Variants in EDN1 observed in about 807,000 individuals in gnomAD.
EDN1 encodes the protein endothelin 1, also known as endothelin-1.
EDN1 carries 11 observed loss-of-function variants against 21.7 expected under a neutral mutation model. That is an observed-to-expected ratio of 0.51 (90% CI 0.32 to 0.84). EDN1 has a LOEUF of 0.84. EDN1 is among the 40% of genes least tolerant of loss of function. EDN1 has a pLI of 0.03. For missense variants in EDN1, 244 were observed against 262.3 expected (o/e 0.93, Z 0.48); for synonymous variants, 85 against 90.6 (o/e 0.94, Z 0.35).
the EDN1 span, among the ~76,000 whole-genome samples, chr6:12,272,491 CTT>C: frequency 2.6e-5 from 3 of 116,372 alleles, no homozygotes; most frequent in East Asian, 7.5e-4. Context: ...GAGTTTCTCT[CTT>C]GTCGCCCAGG....
intron 2 of EDN1, 126 bp downstream of exon 2, chr6:12,292,635 G>A (rs1762714368): frequency 1.8e-5 from 20 of 1,117,188 alleles, no homozygotes; most frequent in Non-Finnish European, 2.7e-5. Context: ...AAGTGCCTCA[G>A]TGGGGACAGT....
Position 12,290,698 on chromosome 6 carries a change from G to A in EDN1, c.64+5G>A. On this transcript the variant is annotated splice_donor_5th_base_variant and intron_variant, in intron 1 of 4. Coordinates refer to ENST00000379375, the MANE Select transcript of EDN1 (RefSeq NM_001955.5). ...GCCAAGGAGCTCCAGAAACAGGTAG[G>A]CACGCTCGTTGACTTGTAAGTCTCG... 1.9e-6 allele frequency: 3 copies of A among 1,612,780 alleles called. No individual in the cohort carries two copies. Among genetic ancestry groups the A allele is most frequent in the Non-Finnish European group, 2.5e-6 (3 of 1,178,784 alleles).
the EDN1 span, among the ~76,000 whole-genome samples, chr6:12,274,328 C>A: frequency 6.6e-6 from 1 of 152,068 alleles, no homozygotes; most frequent in Non-Finnish European, 1.5e-5. Flanking sequence ...GCAGAGAGTG[C>A]AATAGACAGA....
the EDN1 span, among the ~76,000 whole-genome samples, chr6:12,271,711 C>A: frequency 6.6e-6 from 1 of 152,212 alleles, no homozygotes; most frequent in East Asian, 1.9e-4. Flanking sequence ...TGTCCTTTTG[C>A]TTCCAATTGG....
At chr6:12,250,689 T>A in the EDN1 span, among the ~76,000 whole-genome samples, 2 of 152,010 alleles carry the variant, frequency 1.3e-5, no homozygotes, top group African/African-American at 4.8e-5. Flanking sequence ...GCACATTAAC[T>A]CTCCTTGTCT....
chr6:12,248,135 G>T, the EDN1 span, among the ~76,000 whole-genome samples: 1 of 152,038 alleles, frequency 6.6e-6, no homozygotes, highest in Non-Finnish European at 1.5e-5. Flanking sequence ...GAAACAACAA[G>T]ATCGAGGGAA....
the EDN1 span, among the ~76,000 whole-genome samples, chr6:12,232,995 A>T: frequency 2.0e-5 from 3 of 152,238 alleles, no homozygotes; most frequent in African/African-American, 4.8e-5. Context: ...GCCTTTAGAA[A>T]GCTGTTATCA....
At chr6:12,261,742 G>A in the EDN1 span, among the ~76,000 whole-genome samples, 224 of 152,276 alleles carry the variant, frequency 1.5e-3, 1 homozygote, top group South Asian at 0.012. Flanking sequence ...ATGAGGCGGC[G>A]GCGCATGTAT....
At chr6:12,259,341 A>G in the EDN1 span, among the ~76,000 whole-genome samples, 1 of 151,546 alleles carries the variant, frequency 6.6e-6, no homozygotes, top group Non-Finnish European at 1.5e-5. Flanking sequence ...CTAAAATGTT[A>G]GCAGCATAGA....
At chr6:12,246,649 G>GT in the EDN1 span, among the ~76,000 whole-genome samples, 2 of 47,634 alleles carry the variant, frequency 4.2e-5, 1 homozygote, top group Admixed American at 3.8e-4. Flanking sequence ...ATAATCGTTT[G>GT]CCTTTTTTTT....
the EDN1 span, among the ~76,000 whole-genome samples, chr6:12,239,100 G>A: frequency 6.6e-6 from 1 of 152,158 alleles, no homozygotes; most frequent in Non-Finnish European, 1.5e-5. Context: ...ATTACAAGTT[G>A]ACTGAAGAAC....
chr6:12,289,923 TA>T (rs1186919080), upstream of EDN1, among the ~76,000 whole-genome samples: 3 of 152,192 alleles, frequency 2.0e-5, no homozygotes, highest in East Asian at 1.9e-4. Context: ...CGGAGAGACA[TA>T]AAAGGAAAAT....
chr6:12,241,436 G>T, the EDN1 span, among the ~76,000 whole-genome samples: 1 of 151,942 alleles, frequency 6.6e-6, no homozygotes, highest in South Asian at 2.1e-4. Flanking sequence ...CTCCCAAAGT[G>T]CTGGGAAGGA....
chr6:12,258,226 A>G, the EDN1 span, among the ~76,000 whole-genome samples: 500 of 151,698 alleles, frequency 3.3e-3, 4 homozygotes, highest in African/African-American at 0.011. Flanking sequence ...CCAAAGCCGG[A>G]AGATCATCTG....
chr6:12,247,814 C>T, the EDN1 span, among the ~76,000 whole-genome samples: 1 of 152,072 alleles, frequency 6.6e-6, no homozygotes, highest in Non-Finnish European at 1.5e-5. Context: ...GCTGGGATTA[C>T]AGGTGTCAGC....
At chr6:12,248,630 C>G in the EDN1 span, among the ~76,000 whole-genome samples, 1 of 149,122 alleles carries the variant, frequency 6.7e-6, no homozygotes, top group Non-Finnish European at 1.5e-5. Flanking sequence ...TTTTACCTGG[C>G]TTGCCTGAGA....
At chr6:12,239,347 A>G in the EDN1 span, among the ~76,000 whole-genome samples, 2 of 152,222 alleles carry the variant, frequency 1.3e-5, no homozygotes, top group Non-Finnish European at 2.9e-5. Context: ...TGACTCTATA[A>G]TAAAGCCTCA....
chr6:12,292,622 T>C (rs1762713883), intron 2 of EDN1, 113 bp downstream of exon 2: 2 of 1,242,942 alleles, frequency 1.6e-6, no homozygotes, highest in Non-Finnish European at 2.3e-6. Context: ...TCTAACACCA[T>C]CCAAGTGCCT....
In EDN1 at chr6:12,294,357, A is replaced by G. The variant is rs766257520; in HGVS notation, c.486A>G (p.Arg162=). The G allele has an allele frequency of 1.2e-6, 2 of 1,614,216 alleles. No homozygotes were observed. The highest frequency in any genetic ancestry group is 2.2e-5 in the South Asian group (2 of 91,082). The change falls in exon 4 of 5, where the codon AGA becomes AGG. Residue 162 remains arginine (R), a synonymous_variant. Transcript: ENST00000379375. ...AGTGTATTTATCAGCAGTTAGTGAG[A>G]GGAAGAAAAATCAGAAGAAGTTCAG... The part of the protein sequence containing the change: ...GKKCIYQQLV[R]GRKIRRSSEE...
Sources: gnomAD v4.1 joint callset for allele counts (sites outside exome capture counted in the v4.1 genomes callset) on GRCh38, gnomAD v4.1.1 for gene constraint, MANE v1.5 for transcripts, NCBI Gene and HGNC (gene_info 2026-07-23, HGNC 2026-07-21) for gene names.